Variants in RUBCNL observed in about 807,000 individuals in gnomAD.
RUBCNL encodes the protein protein associated with UVRAG as autophagy enhancer.
Under a neutral mutation model 69.5 loss-of-function variants are expected in RUBCNL, and 62 were observed. The observed-to-expected ratio is 0.89, with a 90% CI of 0.73 to 1.10. The LOEUF (loss-of-function observed/expected upper bound fraction) is 1.10. RUBCNL is among the 50% of genes least tolerant of loss of function. The probability of loss-of-function intolerance (pLI) is 0.00; values close to 1 mark genes in which losing one functional copy is unlikely to be tolerated. For missense variants in RUBCNL, 768 were observed against 798.1 expected, an observed-to-expected ratio of 0.96 and a Z score of 0.45; for synonymous variants, 291 against 303.6, an observed-to-expected ratio of 0.96 and a Z score of 0.43.
chr13:46,386,590 G>T (rs927043743), intron 1 of RUBCNL, among the ~76,000 whole-genome samples: 1 of 152,090 alleles, frequency 6.6e-6, no homozygotes, highest in Admixed American at 6.5e-5. Context: ...CCGGCGTGGC[G>T]GGGGGTTGGG....
rs551508502 is a variant in RUBCNL, at chr13:46,372,818, T to C, written c.-122-221A>G. On this transcript the variant is annotated intron_variant, in intron 2 of 14. Coordinates refer to ENST00000429979, the MANE Select transcript of RUBCNL (RefSeq NM_025113.5). ...TTGACATTGGGAGAGGAAACATTCT[T>C]CAAAGCATAAAATTAAGAAATCACA... is the stretch of plus-strand genomic sequence containing the variant. Among the ~76,000 whole-genome samples, 4 of 152,200 alleles carry C rather than the reference T, an allele frequency of 2.6e-5. No individual in the cohort carries two copies. The South Asian group carries it at 8.3e-4, about 32-fold the overall frequency.
chr13:46,385,085 T>C (rs1236970492), intron 1 of RUBCNL, among the ~76,000 whole-genome samples: 1 of 152,246 alleles, frequency 6.6e-6, no homozygotes, highest in African/African-American at 2.4e-5. Flanking sequence ...TGTGTGATTT[T>C]GAGCAATGCT....
chr13:46,363,539 C>T (rs1030617648), intron 5 of RUBCNL, among the ~76,000 whole-genome samples: 2 of 152,154 alleles, frequency 1.3e-5, no homozygotes, highest in African/African-American at 4.8e-5. Flanking sequence ...GCAAATCACA[C>T]GATTAAATAC....
chr13:46,359,648 AT>A lies in RUBCNL; in HGVS notation c.1120-18del. On this transcript the variant is annotated intron_variant, in intron 8 of 14. Transcript: ENST00000429979. Reference sequence around the variant, plus strand: ...ATTTACGACCTGCATAAGACATAAAATGATTTAGGAACAACTTAAGCATATT... The same window carrying A: ...ATTTACGACCTGCATAAGACATAAAAGATTTAGGAACAACTTAAGCATATT... 6.5e-7 allele frequency: 1 copy of A among 1,544,926 alleles called. No homozygotes were observed. Among genetic ancestry groups the A allele is most frequent in the Non-Finnish European group, 8.8e-7 (1 of 1,141,884 alleles).
At chr13:46,363,504 C>T (rs2048678783) in intron 5 of RUBCNL, among the ~76,000 whole-genome samples, 2 of 152,036 alleles carry the variant, frequency 1.3e-5, no homozygotes, top group Admixed American at 6.6e-5. Flanking sequence ...AGCATCTAAA[C>T]GTTTAATAAT....
chr13:46,360,986 G>A (rs1220623639), intron 8 of RUBCNL, among the ~76,000 whole-genome samples: 1 of 152,154 alleles, frequency 6.6e-6, no homozygotes, highest in Non-Finnish European at 1.5e-5. Flanking sequence ...CACTTTGAGA[G>A]GCCAAGGTGG....
At chr13:46,384,146 GA>G (rs1378282052) in intron 1 of RUBCNL, among the ~76,000 whole-genome samples, 8 of 152,126 alleles carry the variant, frequency 5.3e-5, no homozygotes, top group Admixed American at 2.0e-4. Context: ...TAAGTCATGG[GA>G]CGAATAAAAT....
intron 10 of RUBCNL, among the ~76,000 whole-genome samples, chr13:46,354,352 G>C (rs946522217): frequency 1.3e-5 from 2 of 152,176 alleles, no homozygotes; most frequent in Admixed American, 6.5e-5. Context: ...GATGTTAGCA[G>C]TAGAGGAAGC....
At position 46,337,455 on chromosome 13, in the gene RUBCNL, C is replaced by T. The variant is rs183488460; in HGVS notation, c.*5930G>A. On this transcript the variant is annotated 3_prime_UTR_variant, in exon 15 of 15. Transcript: ENST00000429979. Reference sequence around the variant, plus strand: ...CAAGTGTGAGCCACCGTGCCTGGTCCGCTCTCTCTCCTTTCTACCATGTAA... The same window carrying T: ...CAAGTGTGAGCCACCGTGCCTGGTCTGCTCTCTCTCCTTTCTACCATGTAA... Among the ~76,000 whole-genome samples, 166 of 152,176 alleles carry T rather than the reference C, an allele frequency of 1.1e-3. 1 individual carries two copies. Among genetic ancestry groups the T allele is most frequent in the Admixed American group, 9.5e-3 (146 of 15,290 alleles).
intron 8 of RUBCNL, 143 bp from the exon 9 acceptor site, chr13:46,359,774 A>G: frequency 1.3e-6 from 1 of 753,906 alleles, no homozygotes; most frequent in Non-Finnish European, 2.0e-6. Flanking sequence ...AGGGCATACC[A>G]AGAGCCCTCC....
chr13:46,372,005 G>C lies in RUBCNL; in HGVS notation c.471C>G (p.Ser157=), dbSNP rs1035380524. The C allele has an allele frequency of 5.6e-6, 9 of 1,613,884 alleles. No individual in the cohort carries two copies. The highest frequency in any genetic ancestry group is 1.3e-5 in the African/African-American group (1 of 74,924). ...AAGCACTGTCAGTCTCAGGATATGG[G>C]GAGGTGGCCAAAATCCCAGGGCTTG... ...LPTSPGILAT[S]PYPETDSAFF... The change falls in exon 3 of 15, where the codon TCC becomes TCG. Residue 157 remains serine (S), a synonymous_variant. Coordinates refer to ENST00000429979, the MANE Select transcript of RUBCNL (RefSeq NM_025113.5).
At chr13:46,387,841 C>T (rs1188900290), upstream of RUBCNL, 2 of 985,460 alleles carry the variant, frequency 2.0e-6, no homozygotes, top group Non-Finnish European at 2.4e-6. Flanking sequence ...CACGGGTGTG[C>T]AGTGGTTAGT....
chr13:46,334,946 T>G lies in RUBCNL; in HGVS notation c.*8439A>C, dbSNP rs974407765. ...ACCCCAAAGGAAAGTGGGGGAAGAT[T>G]TGGGGGTATACTAAGGGCAAGAGGA... is the stretch of plus-strand genomic sequence containing the variant. On this transcript the variant is annotated 3_prime_UTR_variant, in exon 15 of 15. Coordinates refer to ENST00000429979, the MANE Select transcript of RUBCNL (RefSeq NM_025113.5). 3.3e-5 allele frequency among the ~76,000 whole-genome samples: 5 copies of G among 152,018 alleles called. 1 individual carries two copies. Among genetic ancestry groups the G allele is most frequent in the Admixed American group, 2.0e-4 (3 of 15,268 alleles).
At chr13:46,383,812 T>C (rs1208331716) in intron 1 of RUBCNL, among the ~76,000 whole-genome samples, 5 of 152,132 alleles carry the variant, frequency 3.3e-5, no homozygotes, top group Non-Finnish European at 4.4e-5. Context: ...AGACGACACA[T>C]GGAGTGAATA....
intron 6 of RUBCNL, 30 bp downstream of exon 6, chr13:46,363,085 A>G: frequency 7.1e-7 from 1 of 1,407,930 alleles, no homozygotes. Context: ...GGAGGCAGCC[A>G]GTCACATCCA....
intron 1 of RUBCNL, among the ~76,000 whole-genome samples, chr13:46,379,882 A>G (rs575289530): frequency 6.6e-6 from 1 of 152,320 alleles, no homozygotes; most frequent in South Asian, 2.1e-4. Context: ...TCACATCCCA[A>G]AGAGAATAAC....
rs777363508 is a variant in RUBCNL, at chr13:46,377,938, A to T, written c.-171T>A. The T allele has an allele frequency of 1.2e-6, 2 of 1,609,832 alleles. No individual in the cohort carries two copies. The highest frequency in any genetic ancestry group is 2.2e-5 in the South Asian group (2 of 90,216). On this transcript the variant is annotated 5_prime_UTR_variant, in exon 2 of 15. The change creates a premature stop within an existing upstream ORF in the 5' untranslated region. Coordinates refer to ENST00000429979, the MANE Select transcript of RUBCNL (RefSeq NM_025113.5). ...GGCAGATTGACACAGAGGAGAAAGT[A>T]ATGATTGGAAACCATCAAAGTCCAT...
At chr13:46,376,752 C>A (rs2049003402) in intron 2 of RUBCNL, among the ~76,000 whole-genome samples, 1 of 152,194 alleles carries the variant, frequency 6.6e-6, no homozygotes, top group Non-Finnish European at 1.5e-5. Context: ...AGACCTTTAT[C>A]TATGAATTAA....
intron 1 of RUBCNL, among the ~76,000 whole-genome samples, chr13:46,384,104 G>A (rs1369686072): frequency 1.3e-5 from 2 of 152,148 alleles, no homozygotes; most frequent in African/African-American, 4.8e-5. Context: ...TAAACTAAAA[G>A]TGAGCAACCA....
Sources: gnomAD v4.1 joint callset for allele counts (sites outside exome capture counted in the v4.1 genomes callset) on GRCh38, gnomAD v4.1.1 for gene constraint, MANE v1.5 for transcripts, NCBI Gene and HGNC (gene_info 2026-07-23, HGNC 2026-07-21) for gene names.